Variants in PMPCB observed in about 807,000 individuals in gnomAD.
PMPCB encodes mitochondrial-processing peptidase subunit beta.
PMPCB carries 46 observed loss-of-function variants against 61.5 expected under a neutral mutation model. The observed-to-expected ratio is 0.75, with a 90% CI of 0.59 to 0.96. The LOEUF (loss-of-function observed/expected upper bound fraction) is 0.96. Ranked by LOEUF, PMPCB falls within the 40% of genes least tolerant of loss-of-function variation. The pLI, the probability that PMPCB is intolerant of heterozygous loss-of-function variation, is 0.00. For synonymous variants in PMPCB, 191 were observed against 201.6 expected, an observed-to-expected ratio of 0.95 and a Z score of 0.44; for missense variants, 590 against 602.4, an observed-to-expected ratio of 0.98 and a Z score of 0.22.
chr7:103,341,659 C>T, the PMPCB span: 6 of 941,038 alleles, frequency 6.4e-6, no homozygotes, highest in Non-Finnish European at 7.9e-6. Flanking sequence ...TCATAGTTAT[C>T]TTGCTGAATC....
chr7:103,308,946 A>T lies in PMPCB; in HGVS notation c.850-6A>T. The T allele has an allele frequency of 6.4e-7, 1 of 1,573,480 alleles. No individual in the cohort carries two copies. The highest frequency in any genetic ancestry group is 8.6e-7 in the Non-Finnish European group (1 of 1,160,770). On this transcript the variant is annotated splice_polypyrimidine_tract_variant and splice_region_variant and intron_variant, in intron 7 of 12. Transcript: ENST00000249269. Reference sequence around the variant, plus strand: ...ACTAGAGGTCCTCCTGCTTTATCTTAACTAGATTCGTGTGAGGGATGACAA... The same window carrying T: ...ACTAGAGGTCCTCCTGCTTTATCTTTACTAGATTCGTGTGAGGGATGACAA...
At chr7:103,333,576 T>C (rs895833985), downstream of PMPCB, among the ~76,000 whole-genome samples, 1 of 152,232 alleles carries the variant, frequency 6.6e-6, no homozygotes, top group Non-Finnish European at 1.5e-5. Flanking sequence ...CTGACAATCA[T>C]ATACACTTAT....
At chr7:103,324,682 C>A in intron 12 of PMPCB, 1 of 966,918 alleles carries the variant, frequency 1.0e-6, no homozygotes, top group Non-Finnish European at 1.4e-6. Flanking sequence ...CCCTTCCCTA[C>A]AAACTCTACA....
downstream of PMPCB, among the ~76,000 whole-genome samples, chr7:103,330,769 G>A (rs1351588165): frequency 1.3e-5 from 2 of 150,442 alleles, no homozygotes; most frequent in African/African-American, 4.9e-5. Context: ...TTTTGTAGGG[G>A]AGGGGTTTCG....
intron 12 of PMPCB, among the ~76,000 whole-genome samples, chr7:103,328,185 G>A (rs371707410): frequency 3.3e-5 from 5 of 151,248 alleles, no homozygotes; most frequent in South Asian, 2.1e-4. Flanking sequence ...GCCTCCGAAA[G>A]TGCTGGGATT....
chr7:103,312,309 A>C lies in PMPCB; in HGVS notation c.*38A>C. 6.2e-7 allele frequency: 1 copy of C among 1,603,994 alleles called. No individual in the cohort carries two copies. The highest frequency in any genetic ancestry group is 8.5e-7 in the Non-Finnish European group (1 of 1,179,432). Reference sequence around the variant, plus strand: ...CAAGATTGTTTGAACACATGTATTTATAAAACAGAGCTAGAGAAAAATAAA... The same window carrying C: ...CAAGATTGTTTGAACACATGTATTTCTAAAACAGAGCTAGAGAAAAATAAA... On this transcript the variant is annotated 3_prime_UTR_variant, in exon 13 of 13. Coordinates refer to ENST00000249269, the MANE Select transcript of PMPCB (RefSeq NM_004279.3).
downstream of PMPCB, among the ~76,000 whole-genome samples, chr7:103,333,589 A>G (rs1819054285): frequency 6.6e-6 from 1 of 152,222 alleles, no homozygotes; most frequent in Non-Finnish European, 1.5e-5. Flanking sequence ...ACACTTATGT[A>G]ACTACTATCC....
chr7:103,310,005 G>C (rs1563449361), intron 8 of PMPCB, among the ~76,000 whole-genome samples: 1 of 152,134 alleles, frequency 6.6e-6, no homozygotes, highest in South Asian at 2.1e-4. Context: ...ATCTTTAAGC[G>C]TATGTAGCCA....
Position 103,312,890 on chromosome 7 carries a change from A to C in PMPCB, c.*619A>C. The stretch of plus-strand genomic sequence containing the variant: ...ACTTAATAGACATAAAATATGAGCT[A>C]TATCACCCAAGCTACAATTTAAAAT... On this transcript the variant is annotated 3_prime_UTR_variant, in exon 13 of 13. Coordinates refer to ENST00000249269, the MANE Select transcript of PMPCB (RefSeq NM_004279.3). The C allele has an allele frequency of 1.9e-6, 3 of 1,571,254 alleles. No individual in the cohort carries two copies. The Middle Eastern group carries it at 5.2e-4, about 270-fold the overall frequency.
chr7:103,316,416 C>A (rs769115544), downstream of PMPCB: 1 of 222,494 alleles, frequency 4.5e-6, no homozygotes, highest in Non-Finnish European at 8.7e-6. Context: ...AAAACAGCCT[C>A]GGTTTCATCT....
chr7:103,312,816 T>A lies in PMPCB; in HGVS notation c.*545T>A. The stretch of plus-strand genomic sequence containing the variant: ...AAGGTTGCTCATTTCTTCCTCATAA[T>A]ATTGACCCCATAACTACTGGTTTTG... On this transcript the variant is annotated 3_prime_UTR_variant, in exon 13 of 13. Coordinates refer to ENST00000249269, the MANE Select transcript of PMPCB (RefSeq NM_004279.3). 6.6e-7 allele frequency: 1 copy of A among 1,518,824 alleles called. No individual in the cohort carries two copies. 94.1% of individuals were successfully genotyped at this position (1,518,824 alleles called of 1,614,324 possible).
intron 4 of PMPCB, among the ~76,000 whole-genome samples, chr7:103,303,386 ATAGGTGTGAGC>A (rs1817499275): frequency 6.6e-6 from 1 of 152,228 alleles, no homozygotes; most frequent in Non-Finnish European, 1.5e-5. Context: ...CTGGGATTAT[ATAGGTGTGAGC>A]CACGGTGCCT....
At position 103,313,362 on chromosome 7, in the gene PMPCB, T is replaced by C. The variant is rs371612852; in HGVS notation, c.*1091T>C. On this transcript the variant is annotated 3_prime_UTR_variant, in exon 13 of 13. Transcript: ENST00000249269. ...GATCTACCTTGTACTGTTTATCTCT[T>C]AAAAATCAATGTAATACACTCACCA... is the stretch of plus-strand genomic sequence containing the variant. 8.8e-7 allele frequency: 1 copy of C among 1,135,180 alleles called. No individual in the cohort carries two copies. The highest frequency in any genetic ancestry group is 1.1e-6 in the Non-Finnish European group (1 of 927,706). The allele number at this position is 1,135,180 out of a possible 1,614,324, so 70.3% of individuals were successfully genotyped here.
downstream of PMPCB, chr7:103,319,612 T>A: frequency 6.2e-7 from 1 of 1,614,058 alleles, no homozygotes; most frequent in Non-Finnish European, 8.5e-7. Context: ...CTATTACCTG[T>A]TTTTCCAAAG....
chr7:103,332,256 T>C (rs989060107), downstream of PMPCB, among the ~76,000 whole-genome samples: 10 of 152,164 alleles, frequency 6.6e-5, no homozygotes, highest in East Asian at 3.9e-4. Flanking sequence ...CCGCCCGCCT[T>C]GGCCTCCCAA....
intron 8 of PMPCB, 98 bp from the exon 9 acceptor site, chr7:103,310,217 C>T: frequency 3.5e-6 from 3 of 846,988 alleles, no homozygotes; most frequent in South Asian, 1.5e-5. Context: ...AGGAAACAGC[C>T]TCTAAGGATA....
At chr7:103,309,591 T>C (rs1302269106) in intron 8 of PMPCB, among the ~76,000 whole-genome samples, 2 of 152,232 alleles carry the variant, frequency 1.3e-5, no homozygotes, top group Admixed American at 6.5e-5. Flanking sequence ...AATGTGCTTA[T>C]ATGCAAATAT....
chr7:103,300,895 G>C (rs1389105063), intron 4 of PMPCB, among the ~76,000 whole-genome samples: 1 of 152,112 alleles, frequency 6.6e-6, no homozygotes, highest in African/African-American at 2.4e-5. Flanking sequence ...TGTTGGCCAG[G>C]CTGGACTTAA....
At position 103,297,528 on chromosome 7, in the gene PMPCB, G is replaced by A; in HGVS notation, c.69G>A (p.Glu23=). The A allele has an allele frequency of 1.2e-6, 2 of 1,605,356 alleles. No homozygotes were observed. Among genetic ancestry groups the A allele is most frequent in the Non-Finnish European group, 1.7e-6 (2 of 1,175,098 alleles). ...GGCGGCGGCTCTGGGGTTTCAGCGA[G>A]AGTCTTCTAATCCGAGGCGCTGCGG... ...AARRRLWGFS[E]SLLIRGAAGR... is the part of the protein sequence containing the mutation. The change falls in exon 1 of 13, where the codon GAG becomes GAA. Residue 23 remains glutamate (E), a synonymous_variant. Transcript: ENST00000249269.
Sources: gnomAD v4.1 joint callset for allele counts (sites outside exome capture counted in the v4.1 genomes callset) on GRCh38, gnomAD v4.1.1 for gene constraint, MANE v1.5 for transcripts, NCBI Gene and HGNC (gene_info 2026-07-23, HGNC 2026-07-21) for gene names.